Variants in NDRG3 observed in about 807,000 individuals in gnomAD.
NDRG3 encodes the protein protein NDRG3.
NDRG3 carries 23 observed loss-of-function variants against 57.2 expected under a neutral mutation model. That is an observed-to-expected ratio of 0.40 (90% CI 0.29 to 0.57). The LOEUF is 0.57. Among genes scored for constraint, NDRG3 ranks in the 20% least tolerant of loss-of-function variants. NDRG3 has a pLI of 0.42. For missense variants in NDRG3, 384 were observed against 457.3 expected (o/e 0.84, Z 1.46); for synonymous variants, 132 against 162.6 (o/e 0.81, Z 1.43).
intron 8 of NDRG3, among the ~76,000 whole-genome samples, chr20:36,677,501 G>A (rs1452002550): frequency 1.3e-5 from 2 of 152,240 alleles, no homozygotes; most frequent in Non-Finnish European, 2.9e-5. Context: ...GCAGGGTAGA[G>A]GATGGCCAGA....
intron 7 of NDRG3, among the ~76,000 whole-genome samples, chr20:36,681,635 CAAAAA>C (rs1208145183): frequency 1.3e-5 from 1 of 79,506 alleles, no homozygotes; most frequent in Non-Finnish European, 2.6e-5. Context: ...GACTTCATCT[CAAAAA>C]AAAAAAAAAA....
chr20:36,703,229 C>T (rs1183176194), intron 3 of NDRG3, among the ~76,000 whole-genome samples: 1 of 151,836 alleles, frequency 6.6e-6, no homozygotes, highest in Non-Finnish European at 1.5e-5. Flanking sequence ...TATATGTATA[C>T]TACACGTGTA....
chr20:36,726,165 C>T (rs1428242880), intron 1 of NDRG3, among the ~76,000 whole-genome samples: 1 of 152,188 alleles, frequency 6.6e-6, no homozygotes, highest in African/African-American at 2.4e-5. Context: ...CTCAAGCAAT[C>T]CCCCTGCCTT....
chr20:36,740,924 G>C (rs1356551716), intron 1 of NDRG3, among the ~76,000 whole-genome samples: 1 of 152,010 alleles, frequency 6.6e-6, no homozygotes, highest in African/African-American at 2.4e-5. Flanking sequence ...CTGAAACCTG[G>C]TAAATATCCA....
chr20:36,671,436 A>T (rs747683134), intron 8 of NDRG3, 39 bp from the exon 9 acceptor site: 1 of 1,536,630 alleles, frequency 6.5e-7, no homozygotes. Context: ...ATGTAAGCAT[A>T]TGCAAAAATT....
At chr20:36,721,806 G>T in intron 1 of NDRG3, 23 bp from the exon 2 acceptor site, 2 of 1,116,522 alleles carry the variant, frequency 1.8e-6, no homozygotes, top group Non-Finnish European at 2.7e-6. Flanking sequence ...AGAAAGAAGT[G>T]AAGAAAAAGG....
At chr20:36,670,841 TC>T (rs1980087481) in intron 9 of NDRG3, among the ~76,000 whole-genome samples, 1 of 152,164 alleles carries the variant, frequency 6.6e-6, no homozygotes, top group Admixed American at 6.5e-5. Flanking sequence ...AAGACCAGGT[TC>T]CCCCTCACCT....
intron 1 of NDRG3, among the ~76,000 whole-genome samples, chr20:36,737,840 G>A (rs1418846173): frequency 1.3e-5 from 2 of 152,174 alleles, no homozygotes; most frequent in Non-Finnish European, 2.9e-5. Flanking sequence ...AGCACTTTGA[G>A]AGGCTGAGGT....
At chr20:36,721,193 T>C (rs1476710979) in intron 2 of NDRG3, among the ~76,000 whole-genome samples, 1 of 151,364 alleles carries the variant, frequency 6.6e-6, no homozygotes, top group African/African-American at 2.4e-5. Context: ...GAAACAAAAG[T>C]AGGAAGAAAT....
chr20:36,720,883 C>A (rs1686372065), intron 2 of NDRG3, among the ~76,000 whole-genome samples: 1 of 151,402 alleles, frequency 6.6e-6, no homozygotes, highest in Non-Finnish European at 1.5e-5. Context: ...TCTAGCAATT[C>A]TCCTGCCTCA....
intron 1 of NDRG3, among the ~76,000 whole-genome samples, chr20:36,732,905 G>A (rs578146979): frequency 6.6e-6 from 1 of 151,696 alleles, no homozygotes; most frequent in African/African-American, 2.4e-5. Context: ...CTAGCATTTC[G>A]GGAGGCCAAG....
Position 36,719,419 on chromosome 20 carries a change from C to T in NDRG3, c.57+2260G>A, listed in dbSNP as rs187547675. 5.4e-3 allele frequency among the ~76,000 whole-genome samples: 783 copies of T among 143,800 alleles called. 10 individuals are homozygous for T. Among genetic ancestry groups the T allele is most frequent in the African/African-American group, 0.019 (735 of 38,578 alleles). 94.3% of individuals were successfully genotyped at this position (143,800 alleles called of 152,430 possible). ...TCGAGCCTGGTGACAGAGCAAGACT[C>T]CGTTTCAAAAAAAAAAAAAAAAAAA... On this transcript the variant is annotated intron_variant, in intron 2 of 15. Coordinates refer to ENST00000349004, the MANE Select transcript of NDRG3 (RefSeq NM_032013.4).
At chr20:36,689,403 A>G (rs1344273863) in intron 3 of NDRG3, among the ~76,000 whole-genome samples, 7 of 152,182 alleles carry the variant, frequency 4.6e-5, no homozygotes, top group Admixed American at 4.6e-4. Flanking sequence ...GGAGCCAGGT[A>G]AGACTTGTGG....
In NDRG3 at chr20:36,653,686, A is replaced by G. The variant is rs1405506578; in HGVS notation, c.962T>C (p.Met321Thr). Residue 321 changes from methionine (M) to threonine (T), a missense_variant, in exon 16 of 16, where the codon ATG becomes ACG. Transcript: ENST00000349004. The surrounding 1 kb of genome is among the most constrained non-coding windows in gnomAD (Gnocchi z 4.2). ...GGTTCGTGATCGGGCGAGCCGAGTC[A>G]TGCTGGCAGATGGTACTGTAACAGA... ...QGMGYIPSASMTRLARSRTHS... is the reference protein window; with the variant it reads ...QGMGYIPSASTTRLARSRTHS... The G allele has an allele frequency of 2.5e-6, 4 of 1,613,490 alleles. No homozygotes were observed. In the Admixed American group the frequency reaches 6.7e-5, roughly 27 times the overall value.
At chr20:36,726,622 T>C (rs1026495670) in intron 1 of NDRG3, among the ~76,000 whole-genome samples, 1 of 152,182 alleles carries the variant, frequency 6.6e-6, no homozygotes, top group African/African-American at 2.4e-5. Context: ...TCTGTACAAA[T>C]GGTATGGCTG....
chr20:36,700,426 A>C, intron 3 of NDRG3: 1 of 525,266 alleles, frequency 1.9e-6, no homozygotes, highest in Non-Finnish European at 3.9e-6. Context: ...AAAGAAAGGA[A>C]GCACTCACCT....
chr20:36,691,001 T>G (rs1358358085), intron 3 of NDRG3, among the ~76,000 whole-genome samples: 1 of 152,276 alleles, frequency 6.6e-6, no homozygotes, highest in Non-Finnish European at 1.5e-5. Context: ...AAGTTTTATA[T>G]TTCTCAAAAA....
At chr20:36,656,630 A>G in intron 13 of NDRG3, 98 bp from the exon 14 acceptor site, 1 of 1,351,888 alleles carries the variant, frequency 7.4e-7, no homozygotes, top group Non-Finnish European at 1.0e-6. Flanking sequence ...ATTGAATTCT[A>G]GGTTTTAATG....
At chr20:36,691,566 A>G (rs948674329) in intron 3 of NDRG3, among the ~76,000 whole-genome samples, 1 of 152,176 alleles carries the variant, frequency 6.6e-6, no homozygotes, top group African/African-American at 2.4e-5. Context: ...TATAAAAATT[A>G]GCCAGGCATG....
Sources: allele counts gnomAD v4.1 joint callset (sites outside exome capture counted in the v4.1 genomes callset), GRCh38; gene constraint gnomAD v4.1.1; non-coding constraint Gnocchi (gnomAD v3.1); transcripts MANE v1.5; gene names NCBI Gene and HGNC (gene_info 2026-07-23, HGNC 2026-07-21).